The following PLS1 variants were observed in gnomAD, a reference collection of about 807,000 sequenced individuals.
PLS1 encodes plastin-1.
PLS1 carries 32 observed loss-of-function variants against 73.7 expected under a neutral mutation model. The observed-to-expected ratio is 0.43, with a 90% CI of 0.33 to 0.58. The LOEUF (loss-of-function observed/expected upper bound fraction) is 0.58. PLS1 is among the 20% of genes least tolerant of loss of function. The pLI, the probability that PLS1 is intolerant of heterozygous loss-of-function variation, is 0.04. For missense variants in PLS1, 633 were observed against 740.5 expected (o/e 0.85, Z 1.68); for synonymous variants, 217 against 261.3 (o/e 0.83, Z 1.63).
chr3:142,669,586 A>G (rs749448884), intron 3 of PLS1, 33 bp downstream of exon 3: 211 of 1,545,226 alleles, frequency 1.4e-4, no homozygotes, highest in Middle Eastern at 5.1e-4. Flanking sequence ...GCTACTGATA[A>G]TCTTGCTTAG....
In PLS1 at chr3:142,621,040, A is replaced by G. The variant is rs1380769558; in HGVS notation, c.-37+24531A>G. Among the ~76,000 whole-genome samples the G allele has an allele frequency of 4.6e-5, 7 of 152,114 alleles. No individual in the cohort carries two copies. In the East Asian group the frequency reaches 1.3e-3, roughly 29 times the overall value. ...TCTCAAAAAAATAAAATAAAATAAA[A>G]GAGCAAACAAGAACTGCACCATACA... On this transcript the variant is annotated intron_variant, in intron 1 of 15. Transcript: ENST00000457734.
At position 142,694,504 on chromosome 3, in the gene PLS1, A is replaced by T; in HGVS notation, c.1213A>T (p.Met405Leu). The T allele has an allele frequency of 6.2e-7, 1 of 1,606,174 alleles. No homozygotes were observed. Among genetic ancestry groups the T allele is most frequent in the Non-Finnish European group, 8.5e-7 (1 of 1,172,980 alleles). ...GGAAGAGAGAACATTTCGGAACTGG[A>T]TGAATTCCTTGGGAGTCAACCCATA... ...SKEERTFRNWMNSLGVNPYIN... is the reference protein window; with the variant it reads ...SKEERTFRNWLNSLGVNPYIN... The change falls in exon 11 of 16, where the codon ATG (methionine) becomes TTG (leucine). Residue 405 changes from methionine to leucine, a missense_variant. By Grantham distance (15) the Met-to-Leu change is conservative. Coordinates refer to ENST00000457734, the MANE Select transcript of PLS1 (RefSeq NM_001145319.2).
intron 6 of PLS1, among the ~76,000 whole-genome samples, chr3:142,680,465 A>G (rs2037825395): frequency 6.6e-6 from 1 of 152,236 alleles, no homozygotes; most frequent in Non-Finnish European, 1.5e-5. Context: ...TGTAGTATTC[A>G]GTTTATATTA....
At chr3:142,619,028 C>A (rs115861807) in intron 1 of PLS1, among the ~76,000 whole-genome samples, 2 of 152,108 alleles carry the variant, frequency 1.3e-5, no homozygotes, top group Non-Finnish European at 2.9e-5. Context: ...CGGTGGTTAT[C>A]GCTACCAGCA....
At position 142,670,998 on chromosome 3, in the gene PLS1, G is replaced by A; in HGVS notation, c.240G>A (p.Met80Ile). 6.3e-7 allele frequency: 1 copy of A among 1,590,816 alleles called. No individual in the cohort carries two copies. Among genetic ancestry groups the A allele is most frequent in the Non-Finnish European group, 8.6e-7 (1 of 1,161,036 alleles). Reference sequence around the variant, plus strand: ...TTACTTATGTTCCATTCCAGCTAATGCAAGAATTAAAAAGCAAAGATATCA... The same window carrying A: ...TTACTTATGTTCCATTCCAGCTAATACAAGAATTAAAAAGCAAAGATATCA... ...KISFEEFVSLMQELKSKDISK... is the reference protein window; with the variant it reads ...KISFEEFVSLIQELKSKDISK... The change falls in exon 4 of 16, where the codon ATG (methionine) becomes ATA (isoleucine). Residue 80 changes from methionine (M) to isoleucine (I), a missense_variant. By Grantham distance (10) the Met-to-Ile change is conservative. Transcript: ENST00000457734.
intron 1 of PLS1, among the ~76,000 whole-genome samples, chr3:142,609,383 C>T (rs1351683081): frequency 3.9e-5 from 6 of 152,124 alleles, no homozygotes; most frequent in Admixed American, 1.3e-4. Context: ...GCTTTCCTAA[C>T]ATGGGGCTTT....
intron 1 of PLS1, among the ~76,000 whole-genome samples, chr3:142,643,084 A>G (rs1208941828): frequency 6.6e-6 from 1 of 152,184 alleles, no homozygotes; most frequent in Non-Finnish European, 1.5e-5. Flanking sequence ...TGTTAAGGGC[A>G]ATGATGGGTG....
At chr3:142,644,416 AAT>A (rs1156757081) in intron 1 of PLS1, among the ~76,000 whole-genome samples, 4 of 151,624 alleles carry the variant, frequency 2.6e-5, no homozygotes, top group Non-Finnish European at 5.9e-5. Flanking sequence ...ACGCCTGGCT[AAT>A]TTATTTTTAT....
At chr3:142,676,425 T>C (rs987711841) in intron 5 of PLS1, 136 bp downstream of exon 5, 13 of 812,700 alleles carry the variant, frequency 1.6e-5, no homozygotes, top group Non-Finnish European at 2.5e-5. Context: ...TTATATTGCA[T>C]AGAAAATGAA....
intron 1 of PLS1, among the ~76,000 whole-genome samples, chr3:142,626,774 T>C (rs954094183): frequency 6.6e-6 from 1 of 152,194 alleles, no homozygotes; most frequent in Non-Finnish European, 1.5e-5. Flanking sequence ...AGTCTCCAAT[T>C]GCTTTGAAGA....
In PLS1 at chr3:142,690,347, A is replaced by T. The variant is rs150767115; in HGVS notation, c.1177+534A>T. ...GGTACTGTATTTAGTACTTTTCTAT[A>T]CTCTATAAATATATTCATTCTGAAT... is the stretch of plus-strand genomic sequence containing the variant. On this transcript the variant is annotated intron_variant, in intron 10 of 15. Coordinates refer to ENST00000457734, the MANE Select transcript of PLS1 (RefSeq NM_001145319.2). Among the ~76,000 whole-genome samples, 788 of 152,154 alleles carry T rather than the reference A, an allele frequency of 5.2e-3. 7 individuals are homozygous for T. The highest frequency in any genetic ancestry group is 0.018 in the African/African-American group (727 of 41,526).
At position 142,661,648 on chromosome 3, in the gene PLS1, A is replaced by G. The variant is rs180979591; in HGVS notation, c.-36-2554A>G. On this transcript the variant is annotated intron_variant, in intron 1 of 15. Transcript: ENST00000457734. ...TTAGGGATGATATTGAACCTTCTATATAAATACAAGTTTATAAAAGTGTAT... is the reference window on the plus strand; with the variant it reads ...TTAGGGATGATATTGAACCTTCTATGTAAATACAAGTTTATAAAAGTGTAT... Among the ~76,000 whole-genome samples the G allele has an allele frequency of 3.2e-3, 494 of 152,340 alleles. 11 individuals are homozygous for G. The highest frequency in any genetic ancestry group is 5.1e-4 in the Non-Finnish European group (35 of 68,032).
At chr3:142,651,082 A>G (rs748173804) in intron 1 of PLS1, among the ~76,000 whole-genome samples, 1 of 152,146 alleles carries the variant, frequency 6.6e-6, no homozygotes, top group Non-Finnish European at 1.5e-5. Flanking sequence ...TTAGAGAGCA[A>G]ATGTTTTCTT....
intron 1 of PLS1, among the ~76,000 whole-genome samples, chr3:142,660,835 C>G (rs549407782): frequency 6.3e-4 from 96 of 152,258 alleles, no homozygotes; most frequent in Non-Finnish European, 7.4e-5. Flanking sequence ...TTACATGGTG[C>G]TTTTGCCTGG....
chr3:142,692,521 C>G (rs1321825244), intron 10 of PLS1, among the ~76,000 whole-genome samples: 7 of 152,054 alleles, frequency 4.6e-5, no homozygotes, highest in African/African-American at 1.7e-4. Context: ...TTTACCAAGA[C>G]ACTTTGAAAT....
chr3:142,600,916 ATTTTTTTTT>A (rs1170933037), intron 1 of PLS1, among the ~76,000 whole-genome samples: 1 of 14,838 alleles, frequency 6.7e-5, no homozygotes, highest in South Asian at 3.7e-3. Flanking sequence ...ATATATATAT[ATTTTTTTTT>A]TTTTTTTTTT....
intron 1 of PLS1, among the ~76,000 whole-genome samples, chr3:142,660,890 A>C (rs2037356760): frequency 6.6e-6 from 1 of 152,338 alleles, no homozygotes; most frequent in Non-Finnish European, 1.5e-5. Flanking sequence ...AAATTATATA[A>C]ATTTGAATAG....
At chr3:142,705,351 G>T (rs112643573) in intron 14 of PLS1, among the ~76,000 whole-genome samples, 51 of 152,110 alleles carry the variant, frequency 3.4e-4, no homozygotes, top group African/African-American at 1.2e-3. Flanking sequence ...GAGAAAACTG[G>T]TAGGAAAAAA....
At chr3:142,666,703 T>C (rs181608408) in intron 2 of PLS1, among the ~76,000 whole-genome samples, 1 of 152,322 alleles carries the variant, frequency 6.6e-6, no homozygotes, top group East Asian at 1.9e-4. Context: ...CCATATGTAA[T>C]TTTTGGAGAA....
Sources: gnomAD v4.1 joint callset for allele counts (sites outside exome capture counted in the v4.1 genomes callset) on GRCh38, gnomAD v4.1.1 for gene constraint, MANE v1.5 for transcripts, NCBI Gene and HGNC (gene_info 2026-07-23, HGNC 2026-07-21) for gene names.